TBC1D23: variants seen among roughly 807,000 people sequenced by gnomAD.
TBC1D23 encodes HCV non-structural protein 4A-transactivated protein 1.
Under a neutral mutation model 91.4 loss-of-function variants are expected in TBC1D23, and 55 were observed. The observed-to-expected ratio is 0.60, with a 90% confidence interval of 0.48 to 0.75. The LOEUF (loss-of-function observed/expected upper bound fraction) is 0.75, where lower values mean the gene tolerates loss of function less well. Among genes scored for constraint, TBC1D23 ranks in the 30% least tolerant of loss-of-function variants. The pLI is 0.00. For missense variants in TBC1D23, 725 were observed against 836.1 expected, an observed-to-expected ratio of 0.87 and a Z score of 1.64; for synonymous variants, 289 against 281.0, an observed-to-expected ratio of 1.03 and a Z score of -0.28.
chr3:100,318,950 G>A, intron 16 of TBC1D23, 119 bp from the exon 17 acceptor site: 2 of 612,734 alleles, frequency 3.3e-6, no homozygotes, highest in Non-Finnish European at 5.5e-6. Context: ...ACTGTGCCCA[G>A]GCTGTTTGTT....
intron 18 of TBC1D23, among the ~76,000 whole-genome samples, chr3:100,321,191 A>C (rs1227957077): frequency 1.3e-5 from 2 of 152,230 alleles, no homozygotes; most frequent in African/African-American, 4.8e-5. Context: ...AATTTCATAA[A>C]GTTTCTGACC....
Position 100,297,999 on chromosome 3 carries a change from T to C in TBC1D23, c.953T>C (p.Leu318Pro), listed in dbSNP as rs1331940293. 2 of 1,613,502 alleles carry C rather than the reference T, an allele frequency of 1.2e-6. No individual in the cohort carries two copies. The highest frequency in any genetic ancestry group is 1.7e-5 in the Admixed American group (1 of 59,964). ...DDADLSQALC[L>P]AISVSEILQA... ...GCAGATCTGAGTCAGGCTCTTTGTCTGGCCATCTCCGTGTCAGAGATCCTT... is the reference window on the plus strand; with the variant it reads ...GCAGATCTGAGTCAGGCTCTTTGTCCGGCCATCTCCGTGTCAGAGATCCTT... Residue 318 changes from leucine (L) to proline (P), a missense_variant, in exon 9 of 19, where the codon CTG becomes CCG. Coordinates refer to ENST00000394144, the MANE Select transcript of TBC1D23 (RefSeq NM_001199198.3).
rs532767701 is a variant in TBC1D23, at chr3:100,276,792, C to T, written c.54-2857C>T. On this transcript the variant is annotated intron_variant, in intron 1 of 18. Transcript: ENST00000394144. ...CATGACAGGAACCTGTAGTATTATA[C>T]CAACATACGTTAATAGTTTCAAAGT... Among the ~76,000 whole-genome samples, 7 of 152,268 alleles carry T rather than the reference C, an allele frequency of 4.6e-5. No individual in the cohort carries two copies. The South Asian group carries it at 1.5e-3, about 32-fold the overall frequency.
At position 100,276,800 on chromosome 3, in the gene TBC1D23, C is replaced by T. The variant is rs545121584; in HGVS notation, c.54-2849C>T. 1.8e-4 allele frequency among the ~76,000 whole-genome samples: 28 copies of T among 152,282 alleles called. No homozygotes were observed. In the East Asian group the frequency reaches 2.1e-3, roughly 12 times the overall value. On this transcript the variant is annotated intron_variant, in intron 1 of 18. Coordinates refer to ENST00000394144, the MANE Select transcript of TBC1D23 (RefSeq NM_001199198.3). ...GAACCTGTAGTATTATACCAACATACGTTAATAGTTTCAAAGTCACAGAGT... is the reference window on the plus strand; with the variant it reads ...GAACCTGTAGTATTATACCAACATATGTTAATAGTTTCAAAGTCACAGAGT...
chr3:100,297,269 C>G (rs1705316649), intron 8 of TBC1D23, among the ~76,000 whole-genome samples: 1 of 152,040 alleles, frequency 6.6e-6, no homozygotes, highest in Non-Finnish European at 1.5e-5. Context: ...GTTTAGTATA[C>G]TGTGTTTTAG....
chr3:100,296,733 G>A (rs1432963776), intron 8 of TBC1D23, among the ~76,000 whole-genome samples: 2 of 151,702 alleles, frequency 1.3e-5, no homozygotes, highest in Non-Finnish European at 2.9e-5. Flanking sequence ...GGTGGTGGGC[G>A]CCTGTAGTCC....
In TBC1D23 at chr3:100,310,502, G is replaced by C. The variant is rs377500449; in HGVS notation, c.1513G>C (p.Val505Leu). ...KTKSVNVREK[V>L]ISFIENTSTP... is the part of the protein sequence containing the mutation. ...AAAATCCGTTAATGTCAGGGAAAAA[G>C]TTATCAGTTTTATAGAGAATACATC... Residue 505 changes from valine (V) to leucine (L), a missense_variant, in exon 14 of 19, where the codon GTT becomes CTT. Transcript: ENST00000394144. The C allele has an allele frequency of 3.7e-6, 6 of 1,613,644 alleles. No individual in the cohort carries two copies. The highest frequency in any genetic ancestry group is 4.2e-6 in the Non-Finnish European group (5 of 1,179,788).
intron 1 of TBC1D23, among the ~76,000 whole-genome samples, chr3:100,279,185 C>G (rs1243120141): frequency 6.6e-6 from 1 of 152,190 alleles, no homozygotes; most frequent in African/African-American, 2.4e-5. Context: ...TCAGTTGTCC[C>G]CTAAATGTCT....
rs1456433259 is a variant in TBC1D23, at chr3:100,272,910, A to G, written c.54-6739A>G. On this transcript the variant is annotated intron_variant, in intron 1 of 18. Coordinates refer to ENST00000394144, the MANE Select transcript of TBC1D23 (RefSeq NM_001199198.3). ...GGTTTTCCCCTATCTCAGTAGATGGAACATACAATCGGTTTTATACCGAGA... is the reference window on the plus strand; with the variant it reads ...GGTTTTCCCCTATCTCAGTAGATGGGACATACAATCGGTTTTATACCGAGA... 6.6e-5 allele frequency among the ~76,000 whole-genome samples: 10 copies of G among 151,996 alleles called. No individual in the cohort carries two copies. The East Asian group carries it at 1.7e-3, about 26-fold the overall frequency.
chr3:100,323,624 A>G lies in TBC1D23; in HGVS notation c.2056A>G (p.Ile686Val), dbSNP rs1705903630. ...IPNAGDATKA[I>V]KQQIMKVLDA... ...AAATGCAGGGGATGCAACTAAAGCC[A>G]TAAAACAGCAGATCATGAAAGTTTT... The change falls in exon 19 of 19, where the codon ATA becomes GTA. Residue 686 changes from isoleucine to valine, a missense_variant. Coordinates refer to ENST00000394144, the MANE Select transcript of TBC1D23 (RefSeq NM_001199198.3). 1.3e-6 allele frequency: 2 copies of G among 1,540,408 alleles called. No individual in the cohort carries two copies. The highest frequency in any genetic ancestry group is 1.3e-5 in the South Asian group (1 of 76,218).
At chr3:100,304,807 G>T (rs192862595) in intron 11 of TBC1D23, 39 bp from the exon 12 acceptor site, 3 of 1,007,012 alleles carry the variant, frequency 3.0e-6, no homozygotes, top group Non-Finnish European at 4.8e-6. Flanking sequence ...TAATTAAGTC[G>T]CAGTTTTGGA....
chr3:100,280,410 A>T (rs2067684689), intron 2 of TBC1D23, among the ~76,000 whole-genome samples: 1 of 152,168 alleles, frequency 6.6e-6, no homozygotes, highest in Non-Finnish European at 1.5e-5. Flanking sequence ...TCCTCTATTC[A>T]GCTATTCTAC....
At chr3:100,314,993 T>A (rs1705708405) in intron 15 of TBC1D23, among the ~76,000 whole-genome samples, 1 of 152,122 alleles carries the variant, frequency 6.6e-6, no homozygotes. Context: ...AGTATTTTAT[T>A]GACACATTTT....
chr3:100,285,937 CAATA>C (rs1177271916), intron 4 of TBC1D23, among the ~76,000 whole-genome samples: 1 of 150,400 alleles, frequency 6.6e-6, no homozygotes, highest in East Asian at 1.9e-4. Context: ...TTTTTTTTTC[CAATA>C]AATCTTTTGC....
In TBC1D23 at chr3:100,297,922, G is replaced by A; in HGVS notation, c.877-1G>A. On this transcript the variant is annotated splice_acceptor_variant, in intron 8 of 18. Transcript: ENST00000394144. LOFTEE classifies it high-confidence loss of function. Reference sequence around the variant, plus strand: ...ATGTTTAAAAATTTCCCTTCAAACAGGATAATCACCATCTCTTTGGTAGTA... The same window carrying A: ...ATGTTTAAAAATTTCCCTTCAAACAAGATAATCACCATCTCTTTGGTAGTA... 2 of 1,602,004 alleles carry A rather than the reference G, an allele frequency of 1.2e-6. No individual in the cohort carries two copies. The highest frequency in any genetic ancestry group is 1.7e-6 in the Non-Finnish European group (2 of 1,172,764).
In TBC1D23 at chr3:100,290,664, C is replaced by G; in HGVS notation, c.563C>G (p.Thr188Arg). ...CCTGAGCTTTGTTCTTATCTTGATACAAAGAAAATTACTCCAGACTCCTAT... is the reference window on the plus strand; with the variant it reads ...CCTGAGCTTTGTTCTTATCTTGATAGAAAGAAAATTACTCCAGACTCCTAT... ...HEPELCSYLD[T>R]KKITPDSYAL... The change falls in exon 5 of 19, where the codon ACA becomes AGA. Residue 188 changes from threonine (T) to arginine (R), a missense_variant. Physicochemically the swap from Thr to Arg is moderately conservative, Grantham distance 71. Transcript: ENST00000394144. 2 of 1,612,392 alleles carry G rather than the reference C, an allele frequency of 1.2e-6. No homozygotes were observed. Among genetic ancestry groups the G allele is most frequent in the Non-Finnish European group, 1.7e-6 (2 of 1,178,884 alleles).
At chr3:100,262,406 A>T (rs2067519024) in intron 1 of TBC1D23, among the ~76,000 whole-genome samples, 1 of 152,172 alleles carries the variant, frequency 6.6e-6, no homozygotes, top group East Asian at 1.9e-4. Flanking sequence ...ATTGTAATTT[A>T]AAATTATGTA....
chr3:100,292,496 A>AAT (rs1401846409), intron 5 of TBC1D23, among the ~76,000 whole-genome samples: 3 of 152,208 alleles, frequency 2.0e-5, no homozygotes, highest in Admixed American at 1.3e-4. Context: ...ACAATCAGGA[A>AAT]ATGGGTAATT....
intron 2 of TBC1D23, among the ~76,000 whole-genome samples, chr3:100,281,283 T>C (rs550276096): frequency 6.6e-6 from 1 of 152,202 alleles, no homozygotes; most frequent in Non-Finnish European, 1.5e-5. Flanking sequence ...CCTGTTGCAT[T>C]TGGATATGTC....
Sources: gnomAD v4.1 joint callset for allele counts (sites outside exome capture counted in the v4.1 genomes callset) on GRCh38, gnomAD v4.1.1 for gene constraint, MANE v1.5 for transcripts, NCBI Gene and HGNC (gene_info 2026-07-23, HGNC 2026-07-21) for gene names.